SIPA1L3: variants seen among roughly 807,000 people sequenced by gnomAD.
The protein encoded by SIPA1L3 is signal-induced proliferation-associated 1-like protein 3.
SIPA1L3 carries 59 observed loss-of-function variants against 150.1 expected under a neutral mutation model. The observed-to-expected ratio is 0.39, with a 90% CI of 0.32 to 0.49. The LOEUF (loss-of-function observed/expected upper bound fraction) is 0.49. Among genes scored for constraint, SIPA1L3 ranks in the 20% least tolerant of loss-of-function variants. SIPA1L3 has a pLI of 0.86. For synonymous variants in SIPA1L3, 1,070 were observed against 1,077.6 expected, an observed-to-expected ratio of 0.99 and a Z score of 0.14; for missense variants, 2,211 against 2,489.5, an observed-to-expected ratio of 0.89 and a Z score of 2.38.
chr19:38,037,790 T>C (rs73628610), intron 2 of SIPA1L3, among the ~76,000 whole-genome samples: 8,851 of 152,224 alleles, frequency 0.058, 895 homozygotes, highest in African/African-American at 0.2. Context: ...TGGAGGCTTT[T>C]GGCTCCAGGT....
In SIPA1L3 at chr19:37,976,013, G is replaced by A. The variant is rs148416394; in HGVS notation, c.-378-53076G>A. ...TCAGCTACTTGGGAGGCTGAGGCACGAGAATCACTCGAACCCAGGAGGTGG... is the reference window on the plus strand; with the variant it reads ...TCAGCTACTTGGGAGGCTGAGGCACAAGAATCACTCGAACCCAGGAGGTGG... On this transcript the variant is annotated intron_variant, in intron 1 of 21. Coordinates refer to ENST00000222345, the MANE Select transcript of SIPA1L3 (RefSeq NM_015073.3). Among the ~76,000 whole-genome samples the A allele has an allele frequency of 7.2e-3, 1,087 of 151,534 alleles. 35 individuals carry two copies. The highest frequency in any genetic ancestry group is 0.067 in the East Asian group (340 of 5,108).
At position 38,124,074 on chromosome 19, in the gene SIPA1L3, G is replaced by A. The variant is rs1410362576; in HGVS notation, c.2868+4192G>A. 6.8e-4 allele frequency among the ~76,000 whole-genome samples: 97 copies of A among 142,548 alleles called. 2 individuals carry two copies. In the East Asian group the frequency reaches 0.018, roughly 26 times the overall value. The allele number at this position is 142,548 out of a possible 152,430, so 93.5% of individuals were successfully genotyped here. On this transcript the variant is annotated intron_variant, in intron 9 of 21. Transcript: ENST00000222345. ...TGGGCAGAGGCGCCCCTCACCTCCC[G>A]GACGGGGCGGCTGGCCGGGCGGGGG...
chr19:38,174,144 G>T (rs1009758626), intron 15 of SIPA1L3, among the ~76,000 whole-genome samples: 9 of 152,176 alleles, frequency 5.9e-5, no homozygotes, highest in Non-Finnish European at 1.3e-4. Flanking sequence ...AATACAGGTG[G>T]CAGTGGTTGG....
rs1288931963 is a variant in SIPA1L3 at position 38,164,689 on chromosome 19, C to T, written c.3991C>T (p.Pro1331Ser). 1 of 1,613,932 alleles carries T rather than the reference C, an allele frequency of 6.2e-7. No individual in the cohort carries two copies. ...SCMSLAKAPR[P>S]AKPHKPPGSM... ...CATGTCCCTGGCCAAGGCTCCACGG[C>T]CCGCCAAGCCACACAAGCCCCCTGG... The change falls in exon 15 of 22, where the codon CCC becomes TCC. Residue 1331 changes from proline (P) to serine (S), a missense_variant. Transcript: ENST00000222345. The surrounding 1 kb of genome is among the most constrained non-coding windows in gnomAD (Gnocchi z 4.1).
chr19:38,157,471 C>G (rs1033818285), intron 13 of SIPA1L3, among the ~76,000 whole-genome samples: 1 of 152,200 alleles, frequency 6.6e-6, no homozygotes, highest in African/African-American at 2.4e-5. Context: ...TGTTGGGTCC[C>G]AGAACCCCTC....
At chr19:38,128,830 G>A (rs955563454) in intron 9 of SIPA1L3, among the ~76,000 whole-genome samples, 1 of 152,100 alleles carries the variant, frequency 6.6e-6, no homozygotes, top group Non-Finnish European at 1.5e-5. Flanking sequence ...CAGGGAGGCG[G>A]AGGTGGCAGT....
intron 1 of SIPA1L3, among the ~76,000 whole-genome samples, chr19:37,922,316 G>C (rs1230813757): frequency 6.6e-6 from 1 of 152,000 alleles, no homozygotes; most frequent in Non-Finnish European, 1.5e-5. Flanking sequence ...TTGAACTCCT[G>C]ATCTCAGGTG....
At chr19:38,063,825 AAATAAT>A (rs911497297) in intron 2 of SIPA1L3, among the ~76,000 whole-genome samples, 5 of 152,182 alleles carry the variant, frequency 3.3e-5, no homozygotes, top group Non-Finnish European at 7.4e-5. Flanking sequence ...ACTGAGAAAA[AAATAAT>A]AATAATAACA....
At chr19:38,188,569 T>C (rs1972738325) in intron 16 of SIPA1L3, among the ~76,000 whole-genome samples, 1 of 152,048 alleles carries the variant, frequency 6.6e-6, no homozygotes, top group South Asian at 2.1e-4. Flanking sequence ...ACTGAGGTTT[T>C]GAAAGATAAA....
At chr19:38,109,674 C>T (rs935444951) in intron 7 of SIPA1L3, 4 of 154,290 alleles carry the variant, frequency 2.6e-5, no homozygotes, top group African/African-American at 9.6e-5. Context: ...TTGAGTACCT[C>T]CTGTATGCCA....
In SIPA1L3 at chr19:38,119,609, G is replaced by A. The variant is rs763373120; in HGVS notation, c.2595G>A (p.Gln865=). 1 of 1,614,252 alleles carries A rather than the reference G, an allele frequency of 6.2e-7. No homozygotes were observed. Among genetic ancestry groups the A allele is most frequent in the South Asian group, 1.1e-5 (1 of 91,088 alleles). The change falls in exon 9 of 22, where the codon CAG becomes CAA. Residue 865 remains glutamine, a synonymous_variant. Transcript: ENST00000222345. The stretch of plus-strand genomic sequence containing the variant: ...CAAAAGCACGGGCTGGCGCTGAGCA[G>A]CACAGTGCAGGGGCCATCGCCTGGA... ...EKTKARAGAE[Q]HSAGAIAWRV...
intron 2 of SIPA1L3, among the ~76,000 whole-genome samples, chr19:38,062,781 C>T (rs1028910200): frequency 5.3e-5 from 8 of 152,040 alleles, no homozygotes; most frequent in Non-Finnish European, 7.4e-5. Context: ...TCACCACACC[C>T]GGCTAATTTT....
chr19:38,037,617 G>A (rs1968820637), intron 2 of SIPA1L3, among the ~76,000 whole-genome samples: 1 of 152,170 alleles, frequency 6.6e-6, no homozygotes, highest in Non-Finnish European at 1.5e-5. Context: ...TTGGCAGGGG[G>A]TGTTCCAGCA....
intron 2 of SIPA1L3, among the ~76,000 whole-genome samples, chr19:38,065,724 G>A (rs1410857415): frequency 1.3e-5 from 2 of 151,994 alleles, no homozygotes; most frequent in Non-Finnish European, 2.9e-5. Flanking sequence ...TGCACTAAAA[G>A]CACTTCACAC....
At chr19:38,133,193 A>G (rs1971353504) in intron 10 of SIPA1L3, among the ~76,000 whole-genome samples, 1 of 152,168 alleles carries the variant, frequency 6.6e-6, no homozygotes, top group Non-Finnish European at 1.5e-5. Context: ...CCTGCAAGTG[A>G]CACTAGGGGC....
chr19:37,908,616 G>GTT (rs140160333), intron 1 of SIPA1L3, among the ~76,000 whole-genome samples: 1 of 147,978 alleles, frequency 6.8e-6, no homozygotes, highest in Non-Finnish European at 1.5e-5. Flanking sequence ...GTATCTTGCT[G>GTT]TTTTTTTTTT....
intron 1 of SIPA1L3, among the ~76,000 whole-genome samples, chr19:37,967,054 C>T (rs1389359997): frequency 6.6e-6 from 1 of 152,122 alleles, no homozygotes; most frequent in Non-Finnish European, 1.5e-5. Context: ...GGCCAGAAGT[C>T]TGAGATCAAG....
At chr19:38,135,827 A>AC (rs1284844816) in intron 10 of SIPA1L3, among the ~76,000 whole-genome samples, 1 of 151,864 alleles carries the variant, frequency 6.6e-6, no homozygotes, top group Non-Finnish European at 1.5e-5. Flanking sequence ...AGAGCTGATG[A>AC]CCCAGGCTCT....
At chr19:37,999,001 A>ACACACACC (rs921279335) in intron 1 of SIPA1L3, among the ~76,000 whole-genome samples, 3 of 151,538 alleles carry the variant, frequency 2.0e-5, no homozygotes, top group African/African-American at 7.3e-5. Flanking sequence ...ACACACACAC[A>ACACACACC]CACACACACA....
Sources: gnomAD v4.1 joint callset for allele counts (sites outside exome capture counted in the v4.1 genomes callset) on GRCh38, gnomAD v4.1.1 for gene constraint, Gnocchi (gnomAD v3.1) non-coding constraint, MANE v1.5 for transcripts, NCBI Gene and HGNC (gene_info 2026-07-23, HGNC 2026-07-21) for gene names.